The following BMPR2 variants were observed in gnomAD, a reference collection of about 807,000 sequenced individuals.
BMPR2 encodes the protein bone morphogenetic protein receptor type-2.
BMPR2 carries 29 observed loss-of-function variants against 100.8 expected under a neutral mutation model. That is an observed-to-expected ratio of 0.29 (90% CI 0.21 to 0.39). BMPR2 has a LOEUF of 0.39. BMPR2 is among the 10% of genes least tolerant of loss of function. The pLI is 1.00. For missense variants in BMPR2, 1,011 were observed against 1,274.5 expected, an observed-to-expected ratio of 0.79 and a Z score of 3.15; for synonymous variants, 382 against 442.3, an observed-to-expected ratio of 0.86 and a Z score of 1.71.
At chr2:202,422,709 C>G (rs1365683049) in intron 1 of BMPR2, among the ~76,000 whole-genome samples, 2 of 152,064 alleles carry the variant, frequency 1.3e-5, no homozygotes, top group Non-Finnish European at 2.9e-5. Context: ...TAGAGTCTCC[C>G]TCTGTCTCCT....
At position 202,529,693 on chromosome 2, in the gene BMPR2, A is replaced by C. The variant is rs150777760; in HGVS notation, c.968-1101A>C. On this transcript the variant is annotated intron_variant, in intron 7 of 12. Transcript: ENST00000374580. ...ATTGGTAACTCCTATTTTTTCTTCA[A>C]ATTGTACTGTTGCTTAATTTTTTTA... 5.4e-4 allele frequency among the ~76,000 whole-genome samples: 82 copies of C among 152,250 alleles called. 1 individual carries two copies. The highest frequency in any genetic ancestry group is 1.8e-3 in the African/African-American group (73 of 41,572).
At chr2:202,469,663 G>A (rs1692395521) in intron 3 of BMPR2, 1 of 158,012 alleles carries the variant, frequency 6.3e-6, no homozygotes, top group Admixed American at 6.4e-5. Flanking sequence ...ATATTTAGTA[G>A]AGATGGGGTT....
chr2:202,383,840 G>T (rs1341091451), intron 1 of BMPR2, among the ~76,000 whole-genome samples: 3 of 150,570 alleles, frequency 2.0e-5, no homozygotes, highest in South Asian at 2.1e-4. Context: ...GACAGGGCGA[G>T]ACTCCATCTC....
chr2:202,476,226 C>T (rs1692548748), intron 3 of BMPR2, among the ~76,000 whole-genome samples: 1 of 151,486 alleles, frequency 6.6e-6, no homozygotes, highest in Non-Finnish European at 1.5e-5. Flanking sequence ...TCAACAACTG[C>T]AATTTTTATT....
chr2:202,454,238 T>C (rs1574457648), intron 1 of BMPR2, among the ~76,000 whole-genome samples: 1 of 151,884 alleles, frequency 6.6e-6, no homozygotes, highest in South Asian at 2.1e-4. Flanking sequence ...CCTGGCTAAT[T>C]TTTTGTATTT....
chr2:202,402,637 C>G (rs1195429078), intron 1 of BMPR2, among the ~76,000 whole-genome samples: 2 of 150,538 alleles, frequency 1.3e-5, no homozygotes, highest in African/African-American at 4.9e-5. Context: ...ATACTGATAG[C>G]AAAACTTGCA....
chr2:202,449,785 A>G (rs1383837475), intron 1 of BMPR2, among the ~76,000 whole-genome samples: 1 of 152,076 alleles, frequency 6.6e-6, no homozygotes, highest in Non-Finnish European at 1.5e-5. Context: ...TTTGGTTTGT[A>G]TTATTTTGCT....
intron 1 of BMPR2, among the ~76,000 whole-genome samples, chr2:202,463,228 G>A (rs1692255567): frequency 6.6e-6 from 1 of 152,132 alleles, no homozygotes. Context: ...CATCGGAATA[G>A]ACAAATGGGA....
chr2:202,510,669 T>G (rs922065634), intron 3 of BMPR2, among the ~76,000 whole-genome samples: 2 of 152,014 alleles, frequency 1.3e-5, no homozygotes, highest in African/African-American at 4.8e-5. Context: ...TTTTTTTTGT[T>G]TTTTTTTGTT....
intron 1 of BMPR2, among the ~76,000 whole-genome samples, chr2:202,441,080 A>C (rs1328818436): frequency 6.7e-6 from 1 of 149,970 alleles, no homozygotes; most frequent in Non-Finnish European, 1.5e-5. Flanking sequence ...TCCTGGGTTC[A>C]AGCAAATCAC....
At chr2:202,542,158 T>G (rs566541892) in intron 9 of BMPR2, among the ~76,000 whole-genome samples, 153 bp from the exon 10 acceptor site, 1 of 152,186 alleles carries the variant, frequency 6.6e-6, no homozygotes, top group South Asian at 2.1e-4. Context: ...CAAGGTCTCT[T>G]TAGGATTTCC....
At chr2:202,473,104 A>G (rs1049566177) in intron 3 of BMPR2, among the ~76,000 whole-genome samples, 5 of 152,190 alleles carry the variant, frequency 3.3e-5, no homozygotes, top group Non-Finnish European at 7.3e-5. Flanking sequence ...GCTCATGGCC[A>G]TATAACAATA....
chr2:202,523,961 C>T (rs1038876521), intron 7 of BMPR2, among the ~76,000 whole-genome samples: 7 of 152,118 alleles, frequency 4.6e-5, no homozygotes, highest in Non-Finnish European at 7.3e-5. Context: ...CATTTTCTCA[C>T]TTTATAAGTG....
chr2:202,456,253 C>T (rs1231682207), intron 1 of BMPR2, among the ~76,000 whole-genome samples: 1 of 151,296 alleles, frequency 6.6e-6, no homozygotes. Flanking sequence ...CTCACTGCAA[C>T]CTCCGCCTCC....
At chr2:202,415,348 G>C (rs1489665060) in intron 1 of BMPR2, among the ~76,000 whole-genome samples, 1 of 152,182 alleles carries the variant, frequency 6.6e-6, no homozygotes, top group Non-Finnish European at 1.5e-5. Flanking sequence ...CTGCATGCCT[G>C]TAATCCCAGC....
intron 1 of BMPR2, among the ~76,000 whole-genome samples, chr2:202,431,017 A>AG (rs1691492565): frequency 1.3e-5 from 2 of 150,646 alleles, no homozygotes; most frequent in Admixed American, 1.3e-4. Flanking sequence ...TAAATGATTA[A>AG]AAACTTTAGA....
chr2:202,533,387 A>G (rs923902472), intron 9 of BMPR2, among the ~76,000 whole-genome samples: 5 of 151,922 alleles, frequency 3.3e-5, no homozygotes, highest in Admixed American at 1.3e-4. Context: ...CCCCGTTTCT[A>G]CTAATAATAT....
chr2:202,417,689 G>A (rs181695388), intron 1 of BMPR2, among the ~76,000 whole-genome samples: 1 of 151,862 alleles, frequency 6.6e-6, no homozygotes, highest in Admixed American at 6.6e-5. Flanking sequence ...AGGAGTGCAG[G>A]GGCCTGATCA....
intron 9 of BMPR2, among the ~76,000 whole-genome samples, chr2:202,538,634 G>A (rs1435176659): frequency 6.6e-6 from 1 of 151,234 alleles, no homozygotes. Flanking sequence ...TGTACTAAAA[G>A]TACAAAAAAA....
Sources: gnomAD v4.1 joint callset for allele counts (sites outside exome capture counted in the v4.1 genomes callset) on GRCh38, gnomAD v4.1.1 for gene constraint, MANE v1.5 for transcripts, NCBI Gene and HGNC (gene_info 2026-07-23, HGNC 2026-07-21) for gene names.